The following FBXL7 variants were observed in gnomAD, a reference collection of about 807,000 sequenced individuals.
The protein encoded by FBXL7 is F-box and leucine rich repeat protein 7.
In FBXL7, 12 loss-of-function variants were observed where a neutral mutation model predicts 38.3. The observed-to-expected ratio is 0.31, with a 90% CI of 0.20 to 0.51. The LOEUF (loss-of-function observed/expected upper bound fraction) is 0.51. FBXL7 is among the 20% of genes least tolerant of loss of function. The pLI is 0.98. For missense variants in FBXL7, 567 were observed against 676.4 expected, an observed-to-expected ratio of 0.84 and a Z score of 1.79; for synonymous variants, 297 against 300.9, an observed-to-expected ratio of 0.99 and a Z score of 0.13.
At chr5:15,853,851 G>A (rs1739174310) in intron 2 of FBXL7, among the ~76,000 whole-genome samples, 1 of 152,170 alleles carries the variant, frequency 6.6e-6, no homozygotes, top group Admixed American at 6.5e-5. Flanking sequence ...CAGTAGCTTT[G>A]TGGAGTTTGA....
intron 2 of FBXL7, among the ~76,000 whole-genome samples, chr5:15,854,974 T>A (rs1382307908): frequency 6.6e-6 from 1 of 152,148 alleles, no homozygotes. Context: ...AAAGTAACAA[T>A]CCACTGTTGT....
At chr5:15,633,671 G>A (rs552897544) in intron 2 of FBXL7, among the ~76,000 whole-genome samples, 1 of 151,336 alleles carries the variant, frequency 6.6e-6, no homozygotes, top group Non-Finnish European at 1.5e-5. Flanking sequence ...TTGGGTAATA[G>A]GGATTCACTG....
At chr5:15,765,573 C>A (rs1039210256) in intron 2 of FBXL7, among the ~76,000 whole-genome samples, 38 of 152,292 alleles carry the variant, frequency 2.5e-4, no homozygotes, top group African/African-American at 7.9e-4. Context: ...AAGAAACTTT[C>A]TAAAGAAGGA....
intron 2 of FBXL7, among the ~76,000 whole-genome samples, chr5:15,678,096 C>T (rs763173680): frequency 8.5e-5 from 13 of 152,086 alleles, no homozygotes; most frequent in African/African-American, 1.2e-4. Flanking sequence ...GCTGAGGGCC[C>T]CTCTGAGTTG....
chr5:15,766,678 A>G (rs1736599293), intron 2 of FBXL7, among the ~76,000 whole-genome samples: 1 of 152,218 alleles, frequency 6.6e-6, no homozygotes, highest in African/African-American at 2.4e-5. Context: ...CTTCTTTAAA[A>G]CATATTTGCT....
At chr5:15,859,096 G>A (rs1739362458) in intron 2 of FBXL7, among the ~76,000 whole-genome samples, 1 of 152,136 alleles carries the variant, frequency 6.6e-6, no homozygotes, top group Non-Finnish European at 1.5e-5. Flanking sequence ...CCATCCAATT[G>A]TCTGTGCCCC....
In FBXL7 at chr5:15,531,723, A is replaced by G. The variant is rs144208869; in HGVS notation, c.37+31010A>G. 3.3e-4 allele frequency among the ~76,000 whole-genome samples: 51 copies of G among 152,310 alleles called. 1 individual carries two copies. The East Asian group carries it at 9.6e-3, about 29-fold the overall frequency. The stretch of plus-strand genomic sequence containing the variant: ...ACCCCATTTAACCTAATTTCCTTTA[A>G]TTACACATTCAGCTTAGTCATAGTT... On this transcript the variant is annotated intron_variant, in intron 1 of 3. Coordinates refer to ENST00000504595, the MANE Select transcript of FBXL7 (RefSeq NM_012304.5).
At chr5:15,505,396 A>G (rs1736616501) in intron 1 of FBXL7, among the ~76,000 whole-genome samples, 1 of 152,162 alleles carries the variant, frequency 6.6e-6, no homozygotes, top group Non-Finnish European at 1.5e-5. Flanking sequence ...CAGAGTCATT[A>G]TTCATTCATT....
intron 1 of FBXL7, among the ~76,000 whole-genome samples, chr5:15,547,083 G>A (rs981444361): frequency 5.9e-5 from 9 of 152,168 alleles, no homozygotes; most frequent in Non-Finnish European, 8.8e-5. Context: ...TATGGATTTC[G>A]GAGATGTGAT....
intron 2 of FBXL7, among the ~76,000 whole-genome samples, chr5:15,655,861 G>A (rs17704046): frequency 0.06 from 9,091 of 152,146 alleles, 749 homozygotes; most frequent in East Asian, 0.35. Flanking sequence ...ATTTGACTCA[G>A]GTTATTGCTG....
At chr5:15,818,745 A>T (rs73752323) in intron 2 of FBXL7, among the ~76,000 whole-genome samples, 3,417 of 22,422 alleles carry the variant, frequency 0.15, 53 homozygotes, top group African/African-American at 0.23. Context: ...TGTGTGTGTG[A>T]GAGAGAGAGA....
At chr5:15,661,997 A>G (rs1413948264) in intron 2 of FBXL7, among the ~76,000 whole-genome samples, 1 of 152,164 alleles carries the variant, frequency 6.6e-6, no homozygotes, top group Non-Finnish European at 1.5e-5. Flanking sequence ...GAACATTTGC[A>G]TGCATGTATC....
chr5:15,605,222 C>T (rs1180146543), intron 1 of FBXL7, among the ~76,000 whole-genome samples: 1 of 152,158 alleles, frequency 6.6e-6, no homozygotes, highest in Non-Finnish European at 1.5e-5. Flanking sequence ...CTGATTTCAG[C>T]TGGAAACAAC....
At chr5:15,526,993 G>A (rs930060389) in intron 1 of FBXL7, among the ~76,000 whole-genome samples, 1 of 152,202 alleles carries the variant, frequency 6.6e-6, no homozygotes, top group Non-Finnish European at 1.5e-5. Context: ...TCAAGGTTGG[G>A]TGGAGTTGGC....
intron 2 of FBXL7, among the ~76,000 whole-genome samples, chr5:15,768,191 G>A (rs1736639415): frequency 6.6e-6 from 1 of 152,138 alleles, no homozygotes; most frequent in African/African-American, 2.4e-5. Context: ...TACTTTACAG[G>A]TAGAGTGAAT....
rs562012884 is a variant in FBXL7, at chr5:15,936,659, C to G, written c.949C>G (p.Arg317Gly). The G allele has an allele frequency of 6.2e-7, 1 of 1,608,268 alleles. No homozygotes were observed. The highest frequency in any genetic ancestry group is 8.5e-7 in the Non-Finnish European group (1 of 1,179,668). Residue 317 changes from arginine to glycine, a missense_variant, in exon 4 of 4, where the codon CGC becomes GGC. Physicochemically the swap from Arg to Gly is moderately radical, Grantham distance 125. Coordinates refer to ENST00000504595, the MANE Select transcript of FBXL7 (RefSeq NM_012304.5). The surrounding 1 kb of genome is among the most constrained non-coding windows in gnomAD (Gnocchi z 6.0). The stretch of plus-strand genomic sequence containing the variant: ...CGTCCGCCTGACCGACGAAGGCCTG[C>G]GCTACCTGGTGATCTACTGCGCCTC... ...RCVRLTDEGL[R>G]YLVIYCASIK...
At chr5:15,686,878 A>T (rs553070597) in intron 2 of FBXL7, among the ~76,000 whole-genome samples, 1 of 152,242 alleles carries the variant, frequency 6.6e-6, no homozygotes, top group Non-Finnish European at 1.5e-5. Context: ...AGGGGCTTCA[A>T]GCATGGTGCA....
chr5:15,726,398 C>T (rs2126657983), intron 2 of FBXL7, among the ~76,000 whole-genome samples: 1 of 152,170 alleles, frequency 6.6e-6, no homozygotes, highest in Middle Eastern at 3.4e-3. Flanking sequence ...CACTACACCT[C>T]ATCCTGGGCA....
At chr5:15,801,666 C>CGTGTGTGTGTGTTTGT (rs1170426688) in intron 2 of FBXL7, among the ~76,000 whole-genome samples, 1 of 141,298 alleles carries the variant, frequency 7.1e-6, no homozygotes, top group Non-Finnish European at 1.6e-5. Flanking sequence ...TGCGCGCGCG[C>CGTGTGTGTGTGTTTGT]GTGTGTGTGT....
Sources: allele counts gnomAD v4.1 joint callset (sites outside exome capture counted in the v4.1 genomes callset), GRCh38; gene constraint gnomAD v4.1.1; non-coding constraint Gnocchi (gnomAD v3.1); transcripts MANE v1.5; gene names NCBI Gene and HGNC (gene_info 2026-07-23, HGNC 2026-07-21).